Variants in SHQ1 observed in about 807,000 individuals in gnomAD.
SHQ1 encodes the protein protein SHQ1 homolog.
A neutral mutation model predicts 53.8 loss-of-function variants in SHQ1; 49 were observed. The observed-to-expected ratio is 0.91, with a 90% confidence interval of 0.72 to 1.16. SHQ1 has a LOEUF of 1.16. Among genes scored for constraint, SHQ1 ranks in the 50% most tolerant of loss-of-function variants. The probability of loss-of-function intolerance (pLI) is 0.00; values close to 1 mark genes in which losing one functional copy is unlikely to be tolerated. For missense variants in SHQ1, 738 were observed against 683.1 expected, an observed-to-expected ratio of 1.08 and a Z score of -0.90; for synonymous variants, 243 against 251.0, an observed-to-expected ratio of 0.97 and a Z score of 0.30.
intron 9 of SHQ1, among the ~76,000 whole-genome samples, chr3:72,800,115 C>A (rs767403864): frequency 6.6e-6 from 1 of 152,108 alleles, no homozygotes; most frequent in South Asian, 2.1e-4. Context: ...TGAATGTTAA[C>A]GACAATTAGG....
In SHQ1 at chr3:72,848,227, G is replaced by T. The variant is rs768322266; in HGVS notation, c.114C>A (p.Phe38Leu). The change falls in exon 1 of 11, where the codon TTC (phenylalanine) becomes TTA (leucine). Residue 38 changes from phenylalanine to leucine, a missense_variant. By Grantham distance (22) the Phe-to-Leu change is conservative (BLOSUM62 0). Transcript: ENST00000325599. ...GAAAGTATGGCTTGGCGTAGAACTT[G>T]AAGTCAGACCCCTCGAAGTAGACGT... is the stretch of plus-strand genomic sequence containing the variant. ...EFDVYFEGSD[F>L]KFYAKPYFLR... 20 of 1,614,084 alleles carry T rather than the reference G, an allele frequency of 1.2e-5. No homozygotes were observed. Among genetic ancestry groups the T allele is most frequent in the Non-Finnish European group, 2.5e-6 (3 of 1,180,046 alleles).
chr3:72,832,112 C>T (rs1420280226), intron 5 of SHQ1, among the ~76,000 whole-genome samples: 9 of 151,846 alleles, frequency 5.9e-5, no homozygotes, highest in Admixed American at 3.3e-4. Flanking sequence ...TTAAGCCTGG[C>T]GAGAAAAAAA....
At chr3:72,822,242 C>T (rs1035925601) in intron 6 of SHQ1, among the ~76,000 whole-genome samples, 2 of 152,196 alleles carry the variant, frequency 1.3e-5, no homozygotes, top group Non-Finnish European at 2.9e-5. Context: ...TCAAGTTCGT[C>T]TACCTTAGAT....
the SHQ1 span, among the ~76,000 whole-genome samples, chr3:72,729,731 G>A: frequency 6.6e-6 from 1 of 152,084 alleles, no homozygotes; most frequent in Non-Finnish European, 1.5e-5. Context: ...ATACAGTGAA[G>A]GAATTACTAC....
At chr3:72,763,060 C>CAG (rs1553689140) in intron 10 of SHQ1, among the ~76,000 whole-genome samples, 3 of 77,452 alleles carry the variant, frequency 3.9e-5, no homozygotes, top group Non-Finnish European at 9.1e-5. Flanking sequence ...CACACACACA[C>CAG]ACAGAGAGAG....
At chr3:72,751,476 ATGTGTGTGTG>A (rs372032784) in intron 10 of SHQ1, among the ~76,000 whole-genome samples, 15 of 109,618 alleles carry the variant, frequency 1.4e-4, no homozygotes, top group African/African-American at 2.7e-4. Flanking sequence ...ATAAGCACAT[ATGTGTGTGTG>A]TGTGTGTGTG....
At chr3:72,819,962 C>T (rs889895887) in intron 6 of SHQ1, among the ~76,000 whole-genome samples, 1 of 152,046 alleles carries the variant, frequency 6.6e-6, no homozygotes, top group Non-Finnish European at 1.5e-5. Context: ...GACAGTATTC[C>T]CTTAGGTATG....
chr3:72,833,453 GA>G (rs1707886714), intron 4 of SHQ1, among the ~76,000 whole-genome samples: 1 of 19,948 alleles, frequency 5.0e-5, no homozygotes, highest in Non-Finnish European at 9.1e-5. Context: ...ATGATAGATA[GA>G]TAGATAGATA....
intron 10 of SHQ1, among the ~76,000 whole-genome samples, chr3:72,761,885 T>C (rs1705617237): frequency 6.6e-6 from 1 of 152,248 alleles, no homozygotes. Flanking sequence ...CACAATTATA[T>C]AGAGAGTCAT....
At chr3:72,732,218 T>C in the SHQ1 span, among the ~76,000 whole-genome samples, 78 of 151,572 alleles carry the variant, frequency 5.1e-4, 1 homozygote, top group South Asian at 4.2e-3. Context: ...CAGGCCTGGC[T>C]TGGAGGTGCC....
chr3:72,762,272 G>A (rs1047467997), intron 10 of SHQ1, among the ~76,000 whole-genome samples: 1 of 152,184 alleles, frequency 6.6e-6, no homozygotes, highest in Non-Finnish European at 1.5e-5. Flanking sequence ...GCCACCATTT[G>A]GCTCAACCCC....
At chr3:72,827,753 C>CTTTTT (rs397877851) in intron 5 of SHQ1, among the ~76,000 whole-genome samples, 2 of 111,672 alleles carry the variant, frequency 1.8e-5, no homozygotes, top group South Asian at 2.8e-4. Context: ...TTTTTCAAGA[C>CTTTTT]TTTTTTTTTT....
At chr3:72,802,158 G>A (rs1236093714) in intron 9 of SHQ1, among the ~76,000 whole-genome samples, 1 of 152,234 alleles carries the variant, frequency 6.6e-6, no homozygotes, top group Admixed American at 6.5e-5. Context: ...ACAACGGGTA[G>A]TATGGATCAG....
At chr3:72,747,566 G>A (rs967941115), downstream of SHQ1, among the ~76,000 whole-genome samples, 1 of 152,162 alleles carries the variant, frequency 6.6e-6, no homozygotes, top group African/African-American at 2.4e-5. Flanking sequence ...TCAAAGACAG[G>A]GCTGAGGACT....
chr3:72,757,819 A>G (rs1705530768), intron 10 of SHQ1, among the ~76,000 whole-genome samples: 1 of 152,184 alleles, frequency 6.6e-6, no homozygotes, highest in Admixed American at 6.5e-5. Context: ...ACCAGGGCCT[A>G]TCAGAGGGTG....
chr3:72,753,415 GA>G (rs1325152625), intron 10 of SHQ1: 13 of 985,302 alleles, frequency 1.3e-5, no homozygotes, highest in Non-Finnish European at 1.6e-5. Flanking sequence ...GCATGTACCT[GA>G]AATGCTATTT....
chr3:72,845,593 A>C (rs1708304182), intron 1 of SHQ1, among the ~76,000 whole-genome samples: 1 of 152,202 alleles, frequency 6.6e-6, no homozygotes, highest in Non-Finnish European at 1.5e-5. Flanking sequence ...TAAAACAGGA[A>C]TCTAATTGTC....
chr3:72,803,261 CT>C (rs1706845209), intron 9 of SHQ1, among the ~76,000 whole-genome samples: 1 of 152,170 alleles, frequency 6.6e-6, no homozygotes, highest in South Asian at 2.1e-4. Context: ...CTTTCTACTT[CT>C]TTTTAAAACT....
chr3:72,762,108 T>C (rs1274921994), intron 10 of SHQ1, among the ~76,000 whole-genome samples: 1 of 152,072 alleles, frequency 6.6e-6, no homozygotes. Flanking sequence ...TGCACACACA[T>C]GCCTATACAT....
Sources: gnomAD v4.1 joint callset for allele counts (sites outside exome capture counted in the v4.1 genomes callset) on GRCh38, gnomAD v4.1.1 for gene constraint, MANE v1.5 for transcripts, NCBI Gene and HGNC (gene_info 2026-07-23, HGNC 2026-07-21) for gene names.